TOX4: variants seen among roughly 807,000 people sequenced by gnomAD.
The protein encoded by TOX4 is epidermal Langerhans cell protein LCP1.
A neutral mutation model predicts 61.0 loss-of-function variants in TOX4; 12 were observed. The observed-to-expected ratio is 0.20, with a 90% CI of 0.13 to 0.32. TOX4 has a LOEUF of 0.32. TOX4 is among the 10% of genes least tolerant of loss of function. TOX4 has a pLI of 1.00. For missense variants in TOX4, 499 were observed against 753.3 expected (o/e 0.66, Z 3.95); for synonymous variants, 268 against 274.8 (o/e 0.98, Z 0.24).
chr14:21,488,435 A>T (rs1318260486), intron 3 of TOX4, 155 bp from the exon 4 acceptor site: 5 of 776,730 alleles, frequency 6.4e-6, no homozygotes, highest in Non-Finnish European at 1.0e-5. Flanking sequence ...TAAAAAGCTT[A>T]TTTTTTTATT....
intron 8 of TOX4, 196 bp downstream of exon 8, chr14:21,495,588 G>T: frequency 1.9e-6 from 1 of 513,160 alleles, no homozygotes. Context: ...GATGTAATCA[G>T]CAGTTCACAT....
intron 2 of TOX4, among the ~76,000 whole-genome samples, chr14:21,484,100 C>T (rs1416160176): frequency 2.6e-5 from 4 of 152,154 alleles, no homozygotes; most frequent in Non-Finnish European, 4.4e-5. Context: ...TGAGCCACCA[C>T]TACCAGCTGA....
At position 21,498,979 on chromosome 14, in the gene TOX4, TA is replaced by T; in HGVS notation, c.*2376del. 1.5e-6 allele frequency: 2 copies of T among 1,339,164 alleles called. No individual in the cohort carries two copies. The highest frequency in any genetic ancestry group is 2.3e-5 in the East Asian group (1 of 43,528). 83.0% of individuals were successfully genotyped at this position (1,339,164 alleles called of 1,614,324 possible). On this transcript the variant is annotated 3_prime_UTR_variant, in exon 9 of 9. Coordinates refer to ENST00000448790, the MANE Select transcript of TOX4 (RefSeq NM_014828.4). ...CTCTACTAAGTTCTGTCCTTAATCATAAATAATAGCCCCTTGAGGACTAGCC... is the reference window on the plus strand; with the variant it reads ...CTCTACTAAGTTCTGTCCTTAATCATAATAATAGCCCCTTGAGGACTAGCC...
At position 21,493,273 on chromosome 14, in the gene TOX4, T is replaced by G. The variant is rs373103891; in HGVS notation, c.1641+16T>G. ...AGTTCCTGAGGTGAGCCTTTGTTTTTAAGTCTTTAGTCTAGTGGAAATGTA... is the reference window on the plus strand; with the variant it reads ...AGTTCCTGAGGTGAGCCTTTGTTTTGAAGTCTTTAGTCTAGTGGAAATGTA... On this transcript the variant is annotated intron_variant, in intron 7 of 8. Coordinates refer to ENST00000448790, the MANE Select transcript of TOX4 (RefSeq NM_014828.4). 1.3e-6 allele frequency: 2 copies of G among 1,589,352 alleles called. No homozygotes were observed. The highest frequency in any genetic ancestry group is 2.7e-5 in the African/African-American group (2 of 73,736).
At position 21,493,017 on chromosome 14, in the gene TOX4, T is replaced by A. The variant is rs767987277; in HGVS notation, c.1401T>A (p.Pro467=). 6.2e-7 allele frequency: 1 copy of A among 1,613,570 alleles called. No individual in the cohort carries two copies. The highest frequency in any genetic ancestry group is 8.5e-7 in the Non-Finnish European group (1 of 1,179,770). Residue 467 remains proline (P), a synonymous_variant, in exon 7 of 9, where the codon CCT becomes CCA. Coordinates refer to ENST00000448790, the MANE Select transcript of TOX4 (RefSeq NM_014828.4). ...AAGTTACCATTCTGCAGCAGCCTCC[T>A]CCACTCCAGGCCATGCAACAGCCTC... The part of the protein sequence containing the change: ...QQQVTILQQP[P]PLQAMQQPPP...
intron 7 of TOX4, 122 bp from the exon 8 acceptor site, chr14:21,495,107 G>GC (rs1007827870): frequency 4.7e-6 from 5 of 1,071,124 alleles, no homozygotes; most frequent in African/African-American, 3.2e-5. Flanking sequence ...CTGCAGTTTT[G>GC]CCCCCCAGTG....
chr14:21,495,136 G>A (rs1891373544), intron 7 of TOX4, 93 bp from the exon 8 acceptor site: 11 of 1,427,912 alleles, frequency 7.7e-6, no homozygotes, highest in Non-Finnish European at 1.1e-5. Context: ...TCTAATACCT[G>A]TTGCTTCATT....
In TOX4 at chr14:21,492,293, C is replaced by T. The variant is rs188313220; in HGVS notation, c.811-3C>T. On this transcript the variant is annotated splice_polypyrimidine_tract_variant and splice_region_variant and intron_variant, in intron 5 of 8. Transcript: ENST00000448790. ...TTTTTTTTTTAAAGTCTCTTTTTTG[C>T]AGGTATATAAGAGGAAAACTGAGGC... 2.5e-6 allele frequency: 4 copies of T among 1,593,952 alleles called. No homozygotes were observed. The highest frequency in any genetic ancestry group is 2.7e-5 in the African/African-American group (2 of 72,924).
intron 2 of TOX4, among the ~76,000 whole-genome samples, chr14:21,486,811 A>T (rs1408920150): frequency 2.0e-5 from 3 of 152,244 alleles, no homozygotes; most frequent in Non-Finnish European, 4.4e-5. Flanking sequence ...TGGTCAGAGC[A>T]AGACTAGCAT....
intron 8 of TOX4, 182 bp downstream of exon 8, chr14:21,495,574 A>G (rs1261292416): frequency 1.7e-6 from 1 of 586,594 alleles, no homozygotes. Context: ...CATAAGCCAA[A>G]GATGATGTAA....
chr14:21,487,563 C>A lies in TOX4; in HGVS notation c.188C>A (p.Ala63Glu). The change falls in exon 3 of 9, where the codon GCA becomes GAA. Residue 63 changes from alanine to glutamate, a missense_variant. Physicochemically the swap from Ala to Glu is moderately radical, Grantham distance 107 (BLOSUM62 -1). Around this residue, in one of 7 missense-constraint regions of TOX4, gnomAD observed 90 missense variants for 109.5 expected, o/e 0.82. Transcript: ENST00000448790. ...GTGGTTGGCCACTTTGATGACCTGG[C>A]AGACCCTTCCTCTTCACAGGATGGC... is the stretch of plus-strand genomic sequence containing the variant. ...SDVVGHFDDL[A>E]DPSSSQDGSF... 1 of 1,614,214 alleles carries A rather than the reference C, an allele frequency of 6.2e-7. No homozygotes were observed.
At chr14:21,489,075 T>A in intron 4 of TOX4, 98 bp from the exon 5 acceptor site, 1 of 1,348,670 alleles carries the variant, frequency 7.4e-7, no homozygotes, top group Non-Finnish European at 1.0e-6. Context: ...ATTTCTATGA[T>A]TTTTAGCATT....
chr14:21,488,930 T>G (rs1336137081), intron 4 of TOX4, 80 bp downstream of exon 4: 43 of 1,559,124 alleles, frequency 2.8e-5, no homozygotes, highest in Middle Eastern at 3.4e-4. Context: ...TAATCAGTAT[T>G]CTTTACCCTT....
Position 21,498,669 on chromosome 14 carries a change from T to C in TOX4, c.*2063T>C, listed in dbSNP as rs1231577561. ...TTGGATAAGCAAAATGCTAGCAGCA[T>C]GTGTTTTAAGCTCTGTTAAGGGGTG... On this transcript the variant is annotated 3_prime_UTR_variant, in exon 9 of 9. Transcript: ENST00000448790. 2 of 490,304 alleles carry C rather than the reference T, an allele frequency of 4.1e-6. No homozygotes were observed. Among genetic ancestry groups the C allele is most frequent in the Admixed American group, 3.6e-5 (1 of 27,464 alleles). The allele number at this position is 490,304 out of a possible 1,614,324, so 30.4% of individuals were successfully genotyped here.
chr14:21,494,485 C>T (rs187657232), intron 7 of TOX4, among the ~76,000 whole-genome samples: 2,461 of 152,204 alleles, frequency 0.016, 25 homozygotes, highest in Non-Finnish European at 0.026. Context: ...CGGTGGCTCA[C>T]GCCTGTAATC....
At chr14:21,491,756 A>G (rs553847898) in intron 5 of TOX4, among the ~76,000 whole-genome samples, 25 of 151,100 alleles carry the variant, frequency 1.7e-4, no homozygotes, top group Non-Finnish European at 3.2e-4. Context: ...TCACGCCTGT[A>G]ATCCCAGCAC....
At chr14:21,496,010 A>G (rs2139633244) in intron 8 of TOX4, 2 of 153,592 alleles carry the variant, frequency 1.3e-5, no homozygotes, top group Non-Finnish European at 2.9e-5. Context: ...GACAGATAAA[A>G]AATCCAGCTG....
intron 2 of TOX4, among the ~76,000 whole-genome samples, chr14:21,483,283 G>A (rs945580401): frequency 6.6e-6 from 1 of 151,948 alleles, no homozygotes; most frequent in Non-Finnish European, 1.5e-5. Flanking sequence ...AGGCATCTTT[G>A]CTTTGCCAAA....
At chr14:21,478,046 C>T (rs1004488269) in intron 2 of TOX4, among the ~76,000 whole-genome samples, 2 of 152,224 alleles carry the variant, frequency 1.3e-5, no homozygotes, top group African/African-American at 4.8e-5. Context: ...AAGCGATTCT[C>T]CTGCCTCAGC....
Sources: gnomAD v4.1 joint callset for allele counts (sites outside exome capture counted in the v4.1 genomes callset) on GRCh38, gnomAD v4.1.1 for gene constraint, gnomAD v4.1.1 regional missense constraint, MANE v1.5 for transcripts, NCBI Gene and HGNC (gene_info 2026-07-23, HGNC 2026-07-21) for gene names.